Variants in SCN4A observed in about 807,000 individuals in gnomAD.
SCN4A encodes the protein sodium voltage-gated channel alpha subunit 4.
In SCN4A, 83 loss-of-function variants were observed where a neutral mutation model predicts 162.0. The observed-to-expected ratio is 0.51, with a 90% CI of 0.43 to 0.61. The LOEUF (loss-of-function observed/expected upper bound fraction) is 0.61, where lower values mean the gene tolerates loss of function less well. Ranked by LOEUF, SCN4A falls within the 20% of genes least tolerant of loss-of-function variation. The probability of loss-of-function intolerance (pLI) is 0.00; values close to 1 mark genes in which losing one functional copy is unlikely to be tolerated. For synonymous variants in SCN4A, 944 were observed against 985.1 expected, an observed-to-expected ratio of 0.96 and a Z score of 0.78; for missense variants, 2,196 against 2,462.5, an observed-to-expected ratio of 0.89 and a Z score of 2.29.
In SCN4A at chr17:63,971,074, G is replaced by A. The variant is rs540772622; in HGVS notation, c.703+88C>T. 11 of 851,204 alleles carry A rather than the reference G, an allele frequency of 1.3e-5. No homozygotes were observed. The African/African-American group carries it at 1.3e-4, about 10-fold the overall frequency. 52.7% of individuals were successfully genotyped at this position (851,204 alleles called of 1,614,324 possible). ...GTTCTACAAAAACACCAGCCTGGGA[G>A]TGTTGTGACACTGAGTCAGGTTCCA... On this transcript the variant is annotated intron_variant, in intron 5 of 23. Transcript: ENST00000435607.
intron 16 of SCN4A, among the ~76,000 whole-genome samples, chr17:63,948,407 G>A (rs934994195): frequency 2.6e-5 from 4 of 152,174 alleles, no homozygotes; most frequent in Admixed American, 6.5e-5. Flanking sequence ...CAGCACCCAC[G>A]TAATAAGGGA....
Position 63,971,913 on chromosome 17 carries a change from A to T in SCN4A, c.483-63T>A. The T allele has an allele frequency of 4.5e-6, 7 of 1,544,274 alleles. No individual in the cohort carries two copies. In the Admixed American group the frequency reaches 1.2e-4, roughly 26 times the overall value. ...CTGGGTAGGGGTCAGTGTGGCAACG[A>T]CAGACCCCCAGAAGGGAGGGACACA... On this transcript the variant is annotated intron_variant, in intron 3 of 23. Coordinates refer to ENST00000435607, the MANE Select transcript of SCN4A (RefSeq NM_000334.4).
intron 18 of SCN4A, among the ~76,000 whole-genome samples, 192 bp downstream of exon 18, chr17:63,946,853 G>A (rs1382321822): frequency 6.6e-6 from 1 of 152,062 alleles, no homozygotes; most frequent in Non-Finnish European, 1.5e-5. Flanking sequence ...GAATGGGGCA[G>A]GCAGAAGATG....
At chr17:63,961,166 A>C (rs1909237480) in intron 11 of SCN4A, 27 bp downstream of exon 11, 6 of 1,057,140 alleles carry the variant, frequency 5.7e-6, no homozygotes, top group Middle Eastern at 2.5e-4. Context: ...CTGCCCATGA[A>C]TGATCCCCTC....
intron 8 of SCN4A, 112 bp downstream of exon 8, chr17:63,965,990 C>G (rs1909429384): frequency 6.6e-6 from 5 of 752,930 alleles, no homozygotes; most frequent in Non-Finnish European, 1.1e-5. Flanking sequence ...GAGGAGATGG[C>G]CCAGTTCGGG....
At chr17:63,961,152 C>T (rs979495171) in intron 11 of SCN4A, 41 bp downstream of exon 11, 1 of 1,132,212 alleles carries the variant, frequency 8.8e-7, no homozygotes, top group Non-Finnish European at 1.3e-6. Flanking sequence ...TACCCCCTCC[C>T]ATCCTGCCCA....
At chr17:63,947,206 C>T in intron 17 of SCN4A, 39 bp from the exon 18 acceptor site, 1 of 1,610,440 alleles carries the variant, frequency 6.2e-7, no homozygotes, top group East Asian at 2.2e-5. Flanking sequence ...CGTGCAAGGC[C>T]CCCAGCCTCC....
At position 63,944,652 on chromosome 17, in the gene SCN4A, A is replaced by G. The variant is rs1383134848; in HGVS notation, c.3912+21T>C. 9.5e-6 allele frequency: 15 copies of G among 1,586,690 alleles called. No individual in the cohort carries two copies. Among genetic ancestry groups the G allele is most frequent in the Non-Finnish European group, 1.3e-5 (15 of 1,166,162 alleles). On this transcript the variant is annotated intron_variant, in intron 21 of 23. Coordinates refer to ENST00000435607, the MANE Select transcript of SCN4A (RefSeq NM_000334.4). The surrounding 1 kb of genome is among the most constrained non-coding windows in gnomAD (Gnocchi z 4.3). ...GGAGGCCCAGCACCGGGAGGGCCCG[A>G]GGGGCTGGGCTGATACTCATCTTCT...
chr17:63,941,141 G>C lies in SCN4A; in HGVS notation c.5141C>G (p.Ser1714Cys). The C allele has an allele frequency of 6.2e-7, 1 of 1,613,934 alleles. No individual in the cohort carries two copies. The highest frequency in any genetic ancestry group is 8.5e-7 in the Non-Finnish European group (1 of 1,179,864). Residue 1714 changes from serine to cysteine, a missense_variant, in exon 24 of 24, where the codon TCC becomes TGC. By Grantham distance (112) the Ser-to-Cys change is moderately radical. Transcript: ENST00000435607. The surrounding 1 kb of genome is among the most constrained non-coding windows in gnomAD (Gnocchi z 6.2). ...GAGGGTGGTGGTGATGGGCTCGTAG[G>C]ACACCTTGGAGGGGTTGGCTGCCAT... is the stretch of plus-strand genomic sequence containing the variant. The part of the protein sequence containing the change: ...KFMAANPSKV[S>C]YEPITTTLKR...
intron 13 of SCN4A, among the ~76,000 whole-genome samples, chr17:63,956,780 G>A (rs967299972): frequency 8.5e-5 from 13 of 152,246 alleles, no homozygotes; most frequent in African/African-American, 2.9e-4. Flanking sequence ...GCTGGGACTG[G>A]AATGTGGGTC....
chr17:63,968,053 A>T lies in SCN4A; in HGVS notation c.1006T>A (p.Phe336Ile). Residue 336 changes from phenylalanine to isoleucine, a missense_variant, in exon 6 of 24, where the codon TTT (phenylalanine) becomes ATT (isoleucine). Physicochemically the swap from Phe to Ile is conservative, Grantham distance 21 (BLOSUM62 0). Coordinates refer to ENST00000435607, the MANE Select transcript of SCN4A (RefSeq NM_000334.4). ...TCACTGATGTAGGCGTCCCAATCAA[A>T]GGTATCGTTGGTGGCCCAGCTTGCA... ...SHASWATNDT[F>I]DWDAYISDEG... The T allele has an allele frequency of 6.2e-7, 1 of 1,613,844 alleles. No homozygotes were observed. Among genetic ancestry groups the T allele is most frequent in the Non-Finnish European group, 8.5e-7 (1 of 1,179,858 alleles).
intron 14 of SCN4A, 33 bp from the exon 15 acceptor site, chr17:63,949,561 G>A: frequency 6.4e-7 from 1 of 1,566,638 alleles, no homozygotes; most frequent in Non-Finnish European, 8.7e-7. Flanking sequence ...TGACATCTGG[G>A]TCCCTGAGAG....
intron 21 of SCN4A, 70 bp from the exon 22 acceptor site, chr17:63,943,920 C>A: frequency 1.1e-6 from 1 of 939,148 alleles, no homozygotes; most frequent in East Asian, 2.5e-5. Context: ...ACCCCCACCT[C>A]AGTGGGGCAC....
At chr17:63,958,483 GGTAC>G in intron 12 of SCN4A, among the ~76,000 whole-genome samples, 1 of 152,366 alleles carries the variant, frequency 6.6e-6, no homozygotes, top group South Asian at 2.1e-4. Context: ...CTGGGTGATA[GGTAC>G]GTGGAGGTTC....
At chr17:63,960,013 G>C (rs892084342) in intron 11 of SCN4A, among the ~76,000 whole-genome samples, 1 of 152,220 alleles carries the variant, frequency 6.6e-6, no homozygotes, top group Non-Finnish European at 1.5e-5. Flanking sequence ...CAAAGGTTTA[G>C]GGCAGGGACC....
At chr17:63,966,896 CA>C (rs1268608920) in intron 6 of SCN4A, among the ~76,000 whole-genome samples, 1 of 152,176 alleles carries the variant, frequency 6.6e-6, no homozygotes, top group African/African-American at 2.4e-5. Context: ...ATCCAGGTGC[CA>C]GGGTGAGAAG....
intron 4 of SCN4A, 95 bp downstream of exon 4, chr17:63,971,627 C>T (rs1025664547): frequency 1.7e-6 from 2 of 1,163,964 alleles, no homozygotes; most frequent in East Asian, 5.1e-5. Context: ...ACCGATGTCC[C>T]CTGCAGCCCT....
rs6504191 is a variant in SCN4A, at chr17:63,963,708, T to C, written c.1570A>G (p.Ser524Gly). ...TCGGAGATGCCGCTGTCTCCGCTGC[T>C]GCTCTGCCTCGGGGCTCCCTTCTCC... ...QGEKGAPRQS[S>G]SGDSGISDAM... The change falls in exon 10 of 24, where the codon AGC becomes GGC. Residue 524 changes from serine to glycine, a missense_variant. By Grantham distance (56) the Ser-to-Gly change is moderately conservative (BLOSUM62 0). Coordinates refer to ENST00000435607, the MANE Select transcript of SCN4A (RefSeq NM_000334.4). 1,468,221 of 1,596,468 alleles carry C rather than the reference T, an allele frequency of 0.92. 675,812 individuals are homozygous for C. The highest frequency in any genetic ancestry group is 1 in the East Asian group (44,030 of 44,050).
intron 10 of SCN4A, 77 bp downstream of exon 10, chr17:63,963,595 G>C: frequency 1.4e-6 from 2 of 1,415,794 alleles, no homozygotes; most frequent in South Asian, 3.1e-5. Flanking sequence ...ACCTTCCATG[G>C]CATCCCTATC....
Sources: allele counts gnomAD v4.1 joint callset (sites outside exome capture counted in the v4.1 genomes callset), GRCh38; gene constraint gnomAD v4.1.1; non-coding constraint Gnocchi (gnomAD v3.1); transcripts MANE v1.5; gene names NCBI Gene and HGNC (gene_info 2026-07-23, HGNC 2026-07-21).